The following BCAT1 variants were observed in gnomAD, a reference collection of about 807,000 sequenced individuals.
The protein encoded by BCAT1 is branched chain amino acid transaminase 1.
A neutral mutation model predicts 52.4 loss-of-function variants in BCAT1; 48 were observed. The ratio of observed to expected loss-of-function variants is 0.92; its 90% CI spans 0.73 to 1.16. The LOEUF (loss-of-function observed/expected upper bound fraction) is 1.16. BCAT1 is among the 50% of genes most tolerant of loss of function. BCAT1 has a pLI of 0.00. For missense variants in BCAT1, 451 were observed against 457.1 expected, an observed-to-expected ratio of 0.99 and a Z score of 0.12; for synonymous variants, 167 against 161.3, an observed-to-expected ratio of 1.04 and a Z score of -0.27.
intron 3 of BCAT1, among the ~76,000 whole-genome samples, chr12:24,884,227 A>C (rs565783732): frequency 1.3e-5 from 2 of 152,346 alleles, no homozygotes; most frequent in African/African-American, 4.8e-5. Context: ...ACATTATGCT[A>C]AGTGAAACAA....
chr12:24,940,826 C>T (rs1943837496), intron 1 of BCAT1, among the ~76,000 whole-genome samples: 1 of 152,168 alleles, frequency 6.6e-6, no homozygotes, highest in Non-Finnish European at 1.5e-5. Context: ...AAAATAAACT[C>T]AAAAGAACAA....
intron 1 of BCAT1, among the ~76,000 whole-genome samples, chr12:24,911,755 A>T (rs1943331629): frequency 6.6e-6 from 1 of 152,096 alleles, no homozygotes; most frequent in African/African-American, 2.4e-5. Flanking sequence ...CACAGGGAGG[A>T]AACCCTAAGC....
At chr12:24,904,014 A>G (rs114510963) in intron 1 of BCAT1, 1 of 152,210 alleles carries the variant, frequency 6.6e-6, no homozygotes, top group Non-Finnish European at 1.5e-5. Context: ...CGCTACTGAT[A>G]ATATACTGTA....
At chr12:24,889,587 A>G (rs1339233555) in intron 3 of BCAT1, among the ~76,000 whole-genome samples, 1 of 152,232 alleles carries the variant, frequency 6.6e-6, no homozygotes, top group African/African-American at 2.4e-5. Flanking sequence ...GGTAACTCCC[A>G]TAGCCCTTGT....
At chr12:24,937,677 G>A (rs1229723678) in intron 1 of BCAT1, among the ~76,000 whole-genome samples, 1 of 152,080 alleles carries the variant, frequency 6.6e-6, no homozygotes, top group African/African-American at 2.4e-5. Flanking sequence ...GAGTCACCAT[G>A]CCCCACCGGG....
Position 24,818,008 on chromosome 12 carries a change from T to C in BCAT1, c.1161A>G (p.Ter387TrpextTer10). 2 of 1,612,930 alleles carry C rather than the reference T, an allele frequency of 1.2e-6. No individual in the cohort carries two copies. The highest frequency in any genetic ancestry group is 8.5e-7 in the Non-Finnish European group (1 of 1,179,256). ...TTCCATTGTATCCTCTATTTTCCAT[T>C]CAGGATAGCACAATTGTCCAGTCGC... ...EESDWTIVLS* is the reference protein window; with the variant it reads ...EESDWTIVLSW Residue 387 changes from the stop codon to tryptophan (W), a stop_lost, in exon 11 of 11, where the codon TGA becomes TGG. Transcript: ENST00000261192.
At chr12:24,826,010 G>A (rs978444273) in intron 10 of BCAT1, among the ~76,000 whole-genome samples, 20 of 152,100 alleles carry the variant, frequency 1.3e-4, no homozygotes, top group Admixed American at 7.2e-4. Flanking sequence ...TCAGGAGTTC[G>A]AGACCAGCCT....
upstream of BCAT1, chr12:24,949,166 G>C (rs1943984877): frequency 1.8e-6 from 1 of 558,290 alleles, no homozygotes; most frequent in Non-Finnish European, 3.2e-6. Context: ...AGACACTAAG[G>C]CTGCTCCCCC....
chr12:24,852,051 G>A (rs564413672), intron 5 of BCAT1, among the ~76,000 whole-genome samples: 1 of 152,250 alleles, frequency 6.6e-6, no homozygotes, highest in South Asian at 2.1e-4. Context: ...GTGAGAGTGA[G>A]TGAGTTCTCC....
At chr12:24,914,086 T>C (rs1375095713) in intron 1 of BCAT1, among the ~76,000 whole-genome samples, 6 of 147,064 alleles carry the variant, frequency 4.1e-5, no homozygotes, top group Admixed American at 1.4e-4. Flanking sequence ...AGATTATCTT[T>C]TTTTTTTTTT....
At chr12:24,943,179 G>T (rs983338700) in intron 1 of BCAT1, among the ~76,000 whole-genome samples, 3 of 152,148 alleles carry the variant, frequency 2.0e-5, no homozygotes, top group Non-Finnish European at 2.9e-5. Flanking sequence ...TTTTGCAAAA[G>T]ATTGGCCATA....
chr12:24,811,374 T>C lies in BCAT1; in HGVS notation c.*6634A>G, dbSNP rs1005195947. The C allele has an allele frequency of 1.3e-5, 2 of 152,220 alleles. No homozygotes were observed. Among genetic ancestry groups the C allele is most frequent in the Non-Finnish European group, 2.9e-5 (2 of 68,024 alleles). 9.4% of individuals were successfully genotyped at this position (152,220 alleles called of 1,614,324 possible). A position where few individuals can be genotyped will look rare whatever the true frequency, so the allele number is the denominator to read the frequency against. On this transcript the variant is annotated 3_prime_UTR_variant, in exon 11 of 11. Transcript: ENST00000261192. ...TGAAACCACACAAACAGGATTCTTTTGTTTTATTGATAACAGAAACTGTGC... is the reference window on the plus strand; with the variant it reads ...TGAAACCACACAAACAGGATTCTTTCGTTTTATTGATAACAGAAACTGTGC...
At chr12:24,821,164 A>G (rs1351192995) in intron 10 of BCAT1, among the ~76,000 whole-genome samples, 2 of 152,172 alleles carry the variant, frequency 1.3e-5, no homozygotes, top group Admixed American at 6.5e-5. Flanking sequence ...TAACTAAGTC[A>G]TGGAGCTGCT....
chr12:24,923,082 T>C (rs1313153578), intron 1 of BCAT1, among the ~76,000 whole-genome samples: 1 of 152,172 alleles, frequency 6.6e-6, no homozygotes, highest in African/African-American at 2.4e-5. Context: ...GGTTTTTATG[T>C]GGGGCTGTCA....
Position 24,811,462 on chromosome 12 carries a change from A to G in BCAT1, c.*6546T>C, listed in dbSNP as rs1939676201. 6.6e-6 allele frequency: 1 copy of G among 152,180 alleles called. No homozygotes were observed. The highest frequency in any genetic ancestry group is 6.5e-5 in the Admixed American group (1 of 15,278). 9.4% of individuals were successfully genotyped at this position (152,180 alleles called of 1,614,324 possible). On this transcript the variant is annotated 3_prime_UTR_variant, in exon 11 of 11. Transcript: ENST00000261192. ...AGAATGTGTCTATTGCCAGCAAAAT[A>G]CAATTATTCCATGCCCTCTCAACAT... is the stretch of plus-strand genomic sequence containing the variant.
At chr12:24,892,602 C>A (rs1390753443) in intron 3 of BCAT1, among the ~76,000 whole-genome samples, 1 of 152,184 alleles carries the variant, frequency 6.6e-6, no homozygotes. Context: ...GCTGTCATCC[C>A]AGCACTTGAA....
At chr12:24,854,473 G>A (rs1402022002) in intron 5 of BCAT1, among the ~76,000 whole-genome samples, 2 of 152,104 alleles carry the variant, frequency 1.3e-5, no homozygotes, top group East Asian at 3.9e-4. Context: ...AATTGTTAAA[G>A]GGGAAAATAG....
At chr12:24,819,417 T>C (rs1940020443) in intron 10 of BCAT1, among the ~76,000 whole-genome samples, 1 of 152,176 alleles carries the variant, frequency 6.6e-6, no homozygotes, top group African/African-American at 2.4e-5. Context: ...ATGACTCAAA[T>C]AAGTGGGGCT....
At chr12:24,943,557 T>C (rs1411096517) in intron 1 of BCAT1, among the ~76,000 whole-genome samples, 1 of 147,638 alleles carries the variant, frequency 6.8e-6, no homozygotes, top group Non-Finnish European at 1.5e-5. Flanking sequence ...GCCTAGAACC[T>C]GGAGAGATCA....
Sources: gnomAD v4.1 joint callset for allele counts (sites outside exome capture counted in the v4.1 genomes callset) on GRCh38, gnomAD v4.1.1 for gene constraint, MANE v1.5 for transcripts, NCBI Gene and HGNC (gene_info 2026-07-23, HGNC 2026-07-21) for gene names.